Variants in BORCS5 observed in about 807,000 individuals in gnomAD.
BORCS5 encodes the protein BLOC-1 related complex subunit 5.
Under a neutral mutation model 22.1 loss-of-function variants are expected in BORCS5, and 17 were observed. The ratio of observed to expected loss-of-function variants is 0.77; its 90% confidence interval spans 0.53 to 1.15. The LOEUF is 1.15. BORCS5 is among the 50% of genes most tolerant of loss of function. The probability of loss-of-function intolerance (pLI) is 0.00; values close to 1 mark genes in which losing one functional copy is unlikely to be tolerated. For missense variants in BORCS5, 247 were observed against 253.2 expected, an observed-to-expected ratio of 0.98 and a Z score of 0.17; for synonymous variants, 117 against 99.8, an observed-to-expected ratio of 1.17 and a Z score of -1.03.
chr12:12,371,904 T>C (rs1183175433), intron 2 of BORCS5, among the ~76,000 whole-genome samples: 1 of 152,196 alleles, frequency 6.6e-6, no homozygotes. Context: ...CTGCTTTTAA[T>C]CTCATCCAAG....
At position 12,400,860 on chromosome 12, in the gene BORCS5, C is replaced by T. The variant is rs928521085; in HGVS notation, c.203-34768C>T. Among the ~76,000 whole-genome samples, 6 of 152,116 alleles carry T rather than the reference C, an allele frequency of 3.9e-5. No individual in the cohort carries two copies. In the East Asian group the frequency reaches 7.7e-4, roughly 20 times the overall value. ...TCCTACATGTTTTTGTATATCTAAG[C>T]GGTGTAGAATATTCTTTCACTTGTT... On this transcript the variant is annotated intron_variant, in intron 2 of 3. Transcript: ENST00000314565.
At chr12:12,417,014 C>T (rs1289574633) in intron 2 of BORCS5, among the ~76,000 whole-genome samples, 2 of 151,216 alleles carry the variant, frequency 1.3e-5, no homozygotes, top group South Asian at 4.1e-4. Flanking sequence ...TGGTCTTGAA[C>T]ACTTGACCTC....
rs111471131 is a variant in BORCS5, at chr12:12,374,977, C to T, written c.202+13628C>T. Among the ~76,000 whole-genome samples, 435 of 150,364 alleles carry T rather than the reference C, an allele frequency of 2.9e-3. 3 individuals carry two copies. The highest frequency in any genetic ancestry group is 0.01 in the African/African-American group (413 of 41,212). On this transcript the variant is annotated intron_variant, in intron 2 of 3. Transcript: ENST00000314565. The stretch of plus-strand genomic sequence containing the variant: ...CAAAAAAAAAAAAAAAAATTATTAA[C>T]CAAGTTTGTATTTGGAATATACTGC...
chr12:12,377,325 C>T (rs1041628584), intron 2 of BORCS5, among the ~76,000 whole-genome samples: 6 of 152,034 alleles, frequency 3.9e-5, no homozygotes, highest in South Asian at 2.1e-4. Flanking sequence ...ACTACAGGCG[C>T]GCACCACCAT....
rs1033146666 is a variant in BORCS5, at chr12:12,421,325, C to T, written c.203-14303C>T. Among the ~76,000 whole-genome samples, 6 of 152,090 alleles carry T rather than the reference C, an allele frequency of 3.9e-5. No individual in the cohort carries two copies. In the East Asian group the frequency reaches 5.8e-4, roughly 15 times the overall value. ...GAGATAATCATGTGTTTTTTGTGGT[C>T]GGTTCTGTTTATGTGATGGATTACG... On this transcript the variant is annotated intron_variant, in intron 2 of 3. Coordinates refer to ENST00000314565, the MANE Select transcript of BORCS5 (RefSeq NM_058169.6).
Position 12,435,760 on chromosome 12 carries a change from A to G in BORCS5, c.335A>G (p.Asn112Ser), listed in dbSNP as rs1222405512. 3.1e-6 allele frequency: 5 copies of G among 1,613,554 alleles called. No homozygotes were observed. The highest frequency in any genetic ancestry group is 2.2e-5 in the South Asian group (2 of 90,924). ...GCAGAGGCCGTTGCTTTTGACCAGA[A>G]TGCTTTGGTTAAACGAATCAAAGAG... ...QCAEAVAFDQ[N>S]ALVKRIKEMD... The change falls in exon 3 of 4, where the codon AAT (asparagine) becomes AGT (serine). Residue 112 changes from asparagine (N) to serine (S), a missense_variant. Coordinates refer to ENST00000314565, the MANE Select transcript of BORCS5 (RefSeq NM_058169.6).
At chr12:12,439,757 G>A (rs1385805648) in intron 3 of BORCS5, among the ~76,000 whole-genome samples, 6 of 152,320 alleles carry the variant, frequency 3.9e-5, no homozygotes, top group South Asian at 2.1e-4. Flanking sequence ...CAGCGTGCTC[G>A]GGCAGAGGAG....
chr12:12,427,851 A>G (rs1368574520), intron 2 of BORCS5, among the ~76,000 whole-genome samples: 13 of 152,142 alleles, frequency 8.5e-5, no homozygotes, highest in South Asian at 2.1e-4. Flanking sequence ...CTCTTCTTCT[A>G]GTGACACTAG....
chr12:12,357,240 T>G lies in BORCS5; in HGVS notation c.-212T>G. On this transcript the variant is annotated 5_prime_UTR_variant, in exon 1 of 4. Coordinates refer to ENST00000314565, the MANE Select transcript of BORCS5 (RefSeq NM_058169.6). The stretch of plus-strand genomic sequence containing the variant: ...CGCGTGCGTTCGCGCCGCGCCTCCT[T>G]GCGTTTCTGTTCCCCAAATAGGGCC... The G allele has an allele frequency of 6.8e-7, 1 of 1,472,012 alleles. No individual in the cohort carries two copies. 91.2% of individuals were successfully genotyped at this position (1,472,012 alleles called of 1,614,324 possible).
intron 3 of BORCS5, among the ~76,000 whole-genome samples, chr12:12,455,276 A>G (rs1015353014): frequency 7.9e-5 from 12 of 152,226 alleles, no homozygotes; most frequent in African/African-American, 2.9e-4. Flanking sequence ...CTGACCTTGA[A>G]CCATCCATCA....
At position 12,469,790 on chromosome 12, in the gene BORCS5, G is replaced by A. The variant is rs1423646984; in HGVS notation, c.*4014G>A. Reference sequence around the variant, plus strand: ...AAAATGTTGATACTCAAGATTGAAGGATGGATTAGGGAGAAATGAAAACTT... The same window carrying A: ...AAAATGTTGATACTCAAGATTGAAGAATGGATTAGGGAGAAATGAAAACTT... On this transcript the variant is annotated 3_prime_UTR_variant, in exon 4 of 4. Transcript: ENST00000314565. 6.6e-6 allele frequency: 1 copy of A among 152,220 alleles called. No homozygotes were observed. Among genetic ancestry groups the A allele is most frequent in the Non-Finnish European group, 1.5e-5 (1 of 68,032 alleles). 9.4% of individuals were successfully genotyped at this position (152,220 alleles called of 1,614,324 possible). A position where few individuals can be genotyped will look rare whatever the true frequency, so the allele number is the denominator to read the frequency against.
intron 3 of BORCS5, among the ~76,000 whole-genome samples, chr12:12,458,114 A>G (rs1013759899): frequency 3.9e-5 from 6 of 152,118 alleles, no homozygotes; most frequent in African/African-American, 9.7e-5. Context: ...ACATCTGCCT[A>G]CTGTTTTTTG....
intron 2 of BORCS5, among the ~76,000 whole-genome samples, chr12:12,421,843 G>C (rs1408073720): frequency 6.6e-6 from 1 of 152,190 alleles, no homozygotes; most frequent in Non-Finnish European, 1.5e-5. Context: ...TTGTGTAGAA[G>C]TGTTTATAGT....
intron 3 of BORCS5, among the ~76,000 whole-genome samples, chr12:12,448,441 C>T (rs893178673): frequency 7.9e-5 from 12 of 151,944 alleles, no homozygotes; most frequent in Admixed American, 3.3e-4. Context: ...TCTCGAACTC[C>T]TGACCTCAGT....
Position 12,361,221 on chromosome 12 carries a change from C to T in BORCS5, c.74C>T (p.Ala25Val). The change falls in exon 2 of 4, where the codon GCC (alanine) becomes GTC (valine). Residue 25 changes from alanine (A) to valine (V), a missense_variant. By Grantham distance (64) the Ala-to-Val change is moderately conservative (BLOSUM62 0). Transcript: ENST00000314565. ...TTATTTTCAGTGACTCCTTCACCAG[C>T]CAAGCATAGAGCCAAGATGGATGAT... is the stretch of plus-strand genomic sequence containing the variant. ...DLNSSVTPSP[A>V]KHRAKMDDIV... is the part of the protein sequence containing the mutation. 1 of 1,614,094 alleles carries T rather than the reference C, an allele frequency of 6.2e-7. No homozygotes were observed.
At chr12:12,458,367 GAAACA>G (rs1943036796) in intron 3 of BORCS5, among the ~76,000 whole-genome samples, 1 of 152,014 alleles carries the variant, frequency 6.6e-6, no homozygotes, top group Non-Finnish European at 1.5e-5. Context: ...CAGTTCTCCT[GAAACA>G]ATCCCAAATT....
intron 2 of BORCS5, among the ~76,000 whole-genome samples, chr12:12,378,146 C>CA (rs747229960): frequency 1.3e-5 from 2 of 152,136 alleles, no homozygotes; most frequent in Non-Finnish European, 2.9e-5. Flanking sequence ...CCTAGGCGGG[C>CA]AGATCACCTC....
At chr12:12,450,917 A>T (rs1190217270) in intron 3 of BORCS5, among the ~76,000 whole-genome samples, 1 of 152,232 alleles carries the variant, frequency 6.6e-6, no homozygotes, top group Non-Finnish European at 1.5e-5. Context: ...AGCAGCTGTA[A>T]CTGTTATACA....
rs3741794 is a variant in BORCS5 at position 12,361,543 on chromosome 12, A to G, written c.202+194A>G. ...CCCCTTTGCCTACCTGTTTTTCTCT[A>G]TAGCACTTAATTATCATTGACCTAT... On this transcript the variant is annotated intron_variant, in intron 2 of 3. Transcript: ENST00000314565. Among the ~76,000 whole-genome samples, 376 of 152,222 alleles carry G rather than the reference A, an allele frequency of 2.5e-3. 14 individuals carry two copies. In the East Asian group the frequency reaches 0.058, roughly 23 times the overall value.
Sources: gnomAD v4.1 joint callset for allele counts (sites outside exome capture counted in the v4.1 genomes callset) on GRCh38, gnomAD v4.1.1 for gene constraint, MANE v1.5 for transcripts, NCBI Gene and HGNC (gene_info 2026-07-23, HGNC 2026-07-21) for gene names.